The following TUBGCP3 variants were observed in gnomAD, a reference collection of about 807,000 sequenced individuals.
The protein encoded by TUBGCP3 is gamma-tubulin complex component 3.
Under a neutral mutation model 123.1 loss-of-function variants are expected in TUBGCP3, and 50 were observed. The observed-to-expected ratio is 0.41, with a 90% CI of 0.32 to 0.51. The LOEUF is 0.51. TUBGCP3 is among the 20% of genes least tolerant of loss of function. The pLI, the probability that TUBGCP3 is intolerant of heterozygous loss-of-function variation, is 0.36. For synonymous variants in TUBGCP3, 405 were observed against 413.9 expected (o/e 0.98, Z 0.26); for missense variants, 882 against 1,127.0 (o/e 0.78, Z 3.11).
Position 112,527,200 on chromosome 13 carries a change from A to G in TUBGCP3, c.1447-150T>C, listed in dbSNP as rs1877206121. 2.8e-5 allele frequency: 22 copies of G among 792,232 alleles called. No individual in the cohort carries two copies. The South Asian group carries it at 3.7e-4, about 13-fold the overall frequency. The allele number at this position is 792,232 out of a possible 1,614,324, so 49.1% of individuals were successfully genotyped here. A position where few individuals can be genotyped will look rare whatever the true frequency, so the allele number is the denominator to read the frequency against. ...TGGAGCGAATTCTAGTAACTCAAAG[A>G]TATATTGAACACATACTATACTGAT... On this transcript the variant is annotated intron_variant, in intron 12 of 21. Coordinates refer to ENST00000261965, the MANE Select transcript of TUBGCP3 (RefSeq NM_006322.6).
intron 20 of TUBGCP3, among the ~76,000 whole-genome samples, chr13:112,492,026 C>T (rs573130971): frequency 6.6e-6 from 1 of 152,300 alleles, no homozygotes; most frequent in East Asian, 1.9e-4. Context: ...ACTATATCAC[C>T]TGTATTTCTT....
chr13:112,521,846 G>T (rs1314984959), intron 14 of TUBGCP3: 1 of 985,286 alleles, frequency 1.0e-6, no homozygotes. Context: ...AACTTGTGGA[G>T]AAGGACATAC....
intron 20 of TUBGCP3, among the ~76,000 whole-genome samples, chr13:112,496,421 G>A (rs1880532125): frequency 6.6e-6 from 1 of 152,222 alleles, no homozygotes; most frequent in Non-Finnish European, 1.5e-5. Flanking sequence ...TTTCCAGGAG[G>A]CGACTTGCAT....
intron 1 of TUBGCP3, among the ~76,000 whole-genome samples, chr13:112,576,364 G>A (rs1310634363): frequency 6.6e-6 from 1 of 152,152 alleles, no homozygotes; most frequent in Non-Finnish European, 1.5e-5. Context: ...TACTCCAAGA[G>A]CAAGCACTTC....
intron 17 of TUBGCP3, among the ~76,000 whole-genome samples, chr13:112,513,558 G>A (rs747617441): frequency 5.6e-4 from 85 of 152,294 alleles, no homozygotes; most frequent in Non-Finnish European, 1.0e-3. Flanking sequence ...TGCATACCAC[G>A]CCCATACAAG....
the TUBGCP3 span, among the ~76,000 whole-genome samples, chr13:112,593,889 A>C: frequency 0.14 from 20,877 of 152,184 alleles, 2,439 homozygotes; most frequent in African/African-American, 0.31. Context: ...GAAACTAAAA[A>C]TATCACAAAG....
chr13:112,590,023 C>T (rs1055706338), upstream of TUBGCP3, among the ~76,000 whole-genome samples: 3 of 151,192 alleles, frequency 2.0e-5, no homozygotes, highest in Admixed American at 6.6e-5. Flanking sequence ...GATGGAGTCT[C>T]GCTCTGTTGC....
At chr13:112,569,636 A>C (rs1169969847) in intron 1 of TUBGCP3, among the ~76,000 whole-genome samples, 1 of 152,224 alleles carries the variant, frequency 6.6e-6, no homozygotes, top group African/African-American at 2.4e-5. Context: ...AAAAAGCCAG[A>C]AGCAGGTCAC....
At chr13:112,588,649 A>G (rs1882798819), upstream of TUBGCP3, among the ~76,000 whole-genome samples, 1 of 152,132 alleles carries the variant, frequency 6.6e-6, no homozygotes, top group Non-Finnish European at 1.5e-5. Context: ...AAAATAAATT[A>G]ATCACGTACG....
rs542236888 is a variant in TUBGCP3, at chr13:112,511,776, T to C, written c.2086+4664A>G. Among the ~76,000 whole-genome samples the C allele has an allele frequency of 1.3e-5, 2 of 152,268 alleles. No homozygotes were observed. The highest frequency in any genetic ancestry group is 2.4e-5 in the African/African-American group (1 of 41,566). ...CAATCCAACCTTTTCAGATTCTGGG[T>C]CTCAGGCTGCTCTCCACTATACACT... On this transcript the variant is annotated intron_variant, in intron 17 of 21. Transcript: ENST00000261965. The surrounding 1 kb of genome is among the most constrained non-coding windows in gnomAD (Gnocchi z 4.1).
intron 20 of TUBGCP3, among the ~76,000 whole-genome samples, chr13:112,490,164 G>GAT (rs1166217881): frequency 1.2e-4 from 18 of 152,184 alleles, no homozygotes; most frequent in Non-Finnish European, 1.5e-5. Flanking sequence ...TGGTACTGGA[G>GAT]ATATACCCGT....
At chr13:112,589,991 C>CTT (rs898076645), upstream of TUBGCP3, among the ~76,000 whole-genome samples, 2 of 145,802 alleles carry the variant, frequency 1.4e-5, no homozygotes, top group Non-Finnish European at 1.5e-5. Context: ...AACCATCTTT[C>CTT]TTTTTTTTTT....
intron 1 of TUBGCP3, among the ~76,000 whole-genome samples, chr13:112,578,444 A>C (rs1193334428): frequency 1.3e-5 from 2 of 149,444 alleles, no homozygotes; most frequent in African/African-American, 4.9e-5. Context: ...CTGTAATCCC[A>C]GCTACTCGGG....
chr13:112,599,723 G>A, the TUBGCP3 span, among the ~76,000 whole-genome samples: 1 of 151,754 alleles, frequency 6.6e-6, no homozygotes, highest in African/African-American at 2.4e-5. Context: ...GATTCGCTGT[G>A]TTGGCCAGGC....
chr13:112,502,421 G>T (rs895619481), intron 19 of TUBGCP3, among the ~76,000 whole-genome samples: 1 of 152,110 alleles, frequency 6.6e-6, no homozygotes, highest in East Asian at 1.9e-4. Flanking sequence ...GGCATCTGCT[G>T]AATACAGAGA....
chr13:112,587,852 G>A, intron 1 of TUBGCP3, 53 bp downstream of exon 1: 2 of 1,508,740 alleles, frequency 1.3e-6, no homozygotes, highest in Non-Finnish European at 9.0e-7. Flanking sequence ...TGCACGCGCA[G>A]GGAGCAGCCC....
intron 17 of TUBGCP3, among the ~76,000 whole-genome samples, chr13:112,505,512 A>G (rs1881232133): frequency 6.6e-6 from 1 of 152,236 alleles, no homozygotes; most frequent in African/African-American, 2.4e-5. Context: ...CCTCCTCTCA[A>G]GACAGTAAAG....
intron 5 of TUBGCP3, among the ~76,000 whole-genome samples, chr13:112,557,834 A>G (rs1301736070): frequency 6.6e-6 from 1 of 152,240 alleles, no homozygotes; most frequent in Non-Finnish European, 1.5e-5. Context: ...TGAGGAGAAA[A>G]ACATACATCA....
intron 17 of TUBGCP3, among the ~76,000 whole-genome samples, chr13:112,515,288 TG>T (rs1407023473): frequency 6.6e-6 from 1 of 152,142 alleles, no homozygotes; most frequent in Non-Finnish European, 1.5e-5. Flanking sequence ...CGTGTGACAA[TG>T]ACAGCATCGG....
Sources: gnomAD v4.1 joint callset for allele counts (sites outside exome capture counted in the v4.1 genomes callset) on GRCh38, gnomAD v4.1.1 for gene constraint, Gnocchi (gnomAD v3.1) non-coding constraint, MANE v1.5 for transcripts, NCBI Gene and HGNC (gene_info 2026-07-23, HGNC 2026-07-21) for gene names.